Variants in UBAP2 observed in about 807,000 individuals in gnomAD.
The protein encoded by UBAP2 is ubiquitin-associated protein 2.
A neutral mutation model predicts 139.6 loss-of-function variants in UBAP2; 75 were observed. The observed-to-expected ratio is 0.54, with a 90% CI of 0.45 to 0.65. The LOEUF is 0.65. Among genes scored for constraint, UBAP2 ranks in the 30% least tolerant of loss-of-function variants. The pLI is 0.00. For synonymous variants in UBAP2, 526 were observed against 526.2 expected, an observed-to-expected ratio of 1.00 and a Z score of 0.01; for missense variants, 1,368 against 1,369.6, an observed-to-expected ratio of 1.00 and a Z score of 0.02.
At chr9:34,037,130 A>C (rs1259638403) in intron 1 of UBAP2, among the ~76,000 whole-genome samples, 6 of 152,044 alleles carry the variant, frequency 3.9e-5, no homozygotes, top group African/African-American at 1.4e-4. Context: ...CTGAGATTAC[A>C]GAGGCGTGCC....
rs979705183 is a variant in UBAP2 at position 34,044,575 on chromosome 9, AAAG to A, written c.-42+4247_-42+4249del. ...AGACTGTCTCAAGAAAATAAAAATAAAAGAAGAAGCCAGGTGTGGTGGCTCACG... is the reference window on the plus strand; with the variant it reads ...AGACTGTCTCAAGAAAATAAAAATAAAAGAAGCCAGGTGTGGTGGCTCACG... On this transcript the variant is annotated intron_variant, in intron 1 of 28. Coordinates refer to ENST00000379238, the MANE Select transcript of UBAP2 (RefSeq NM_001370062.2). Among the ~76,000 whole-genome samples the A allele has an allele frequency of 1.3e-4, 20 of 151,784 alleles. 1 individual carries two copies. The highest frequency in any genetic ancestry group is 3.4e-4 in the African/African-American group (14 of 41,324).
chr9:33,957,490 A>C lies in UBAP2; in HGVS notation c.799-1344T>G, dbSNP rs138433229. 1.6e-3 allele frequency among the ~76,000 whole-genome samples: 248 copies of C among 152,336 alleles called. 2 individuals carry two copies. The highest frequency in any genetic ancestry group is 3.1e-3 in the Non-Finnish European group (212 of 68,032). On this transcript the variant is annotated intron_variant, in intron 10 of 28. Transcript: ENST00000379238. The stretch of plus-strand genomic sequence containing the variant: ...ATTAGGCTGCATTTTCTAGAATTTT[A>C]AATGAAATCATAAAAGTATCCAAAC...
intron 1 of UBAP2, among the ~76,000 whole-genome samples, chr9:34,028,669 TGCGACCA>T (rs1203355362): frequency 6.6e-6 from 1 of 152,004 alleles, no homozygotes; most frequent in Non-Finnish European, 1.5e-5. Flanking sequence ...CACGAGCCAC[TGCGACCA>T]GCCTTAAACC....
chr9:33,931,861 G>A (rs138148861), intron 19 of UBAP2, among the ~76,000 whole-genome samples: 1 of 152,166 alleles, frequency 6.6e-6, no homozygotes, highest in Non-Finnish European at 1.5e-5. Context: ...AACACCTCCT[G>A]TTGTCCAGGA....
chr9:33,984,124 G>A lies in UBAP2; in HGVS notation c.520+2636C>T, dbSNP rs1341967209. Reference sequence around the variant, plus strand: ...TTACCATGTTGGCCAGGGTGGTCTCGAACTACTAATGTCAAGTGATCTGCC... The same window carrying A: ...TTACCATGTTGGCCAGGGTGGTCTCAAACTACTAATGTCAAGTGATCTGCC... On this transcript the variant is annotated intron_variant, in intron 6 of 28. Coordinates refer to ENST00000379238, the MANE Select transcript of UBAP2 (RefSeq NM_001370062.2). 2.0e-5 allele frequency among the ~76,000 whole-genome samples: 3 copies of A among 151,692 alleles called. No homozygotes were observed. In the East Asian group the frequency reaches 5.8e-4, roughly 29 times the overall value.
intron 1 of UBAP2, among the ~76,000 whole-genome samples, chr9:34,024,958 G>A (rs1758631): frequency 6.0e-5 from 9 of 151,256 alleles, no homozygotes; most frequent in Non-Finnish European, 1.3e-4. Context: ...CACTCCAATC[G>A]GGGCGACAGA....
intron 5 of UBAP2, among the ~76,000 whole-genome samples, chr9:33,988,702 G>A (rs761923471): frequency 2.0e-5 from 3 of 152,206 alleles, no homozygotes; most frequent in East Asian, 1.9e-4. Context: ...ATGCTGATAC[G>A]AAACCACATG....
At chr9:33,991,908 C>A (rs1821743156) in intron 4 of UBAP2, among the ~76,000 whole-genome samples, 1 of 152,142 alleles carries the variant, frequency 6.6e-6, no homozygotes, top group South Asian at 2.1e-4. Context: ...TATAAAGGGG[C>A]CAGCTGTCTT....
chr9:33,958,721 T>C (rs895652122), intron 10 of UBAP2, among the ~76,000 whole-genome samples: 2 of 149,778 alleles, frequency 1.3e-5, no homozygotes, highest in Non-Finnish European at 3.0e-5. Context: ...TTTTTTTTTT[T>C]TTTAAAGGAA....
intron 6 of UBAP2, among the ~76,000 whole-genome samples, chr9:33,977,435 G>A (rs1169916573): frequency 4.6e-5 from 7 of 152,216 alleles, no homozygotes; most frequent in Middle Eastern, 3.4e-3. Flanking sequence ...TGGTAGTAAC[G>A]CTACTAGTAA....
At chr9:33,980,220 C>CTTTTTGTTTTTTTTTTTTTT (rs1820523306) in intron 6 of UBAP2, among the ~76,000 whole-genome samples, 1 of 49,088 alleles carries the variant, frequency 2.0e-5, no homozygotes, top group Non-Finnish European at 3.6e-5. Context: ...AGTGTCATTT[C>CTTTTTGTTTTTTTTTTTTTT]TTTTTTTTTT....
At chr9:34,045,253 G>C (rs949512255) in intron 1 of UBAP2, among the ~76,000 whole-genome samples, 11 of 151,312 alleles carry the variant, frequency 7.3e-5, no homozygotes, top group Non-Finnish European at 1.5e-5. Flanking sequence ...GGCTGAGGCA[G>C]GAAAATGGCA....
At chr9:33,940,286 G>A (rs918253548) in intron 16 of UBAP2, among the ~76,000 whole-genome samples, 4 of 152,086 alleles carry the variant, frequency 2.6e-5, no homozygotes, top group Admixed American at 1.3e-4. Context: ...CTGCAAATGT[G>A]TGTGTGAGGG....
rs71506153 is a variant in UBAP2, at chr9:34,032,916, C to CAA, written c.-41-15729_-41-15728dup. On this transcript the variant is annotated intron_variant, in intron 1 of 28. Coordinates refer to ENST00000379238, the MANE Select transcript of UBAP2 (RefSeq NM_001370062.2). ...GGGCAACAGAGCAAGACCCTGTCTT[C>CAA]AAAAAAAAAAAAAAAAAAATCAACA... Among the ~76,000 whole-genome samples, 975 of 117,992 alleles carry CAA rather than the reference C, an allele frequency of 8.3e-3. 8 individuals carry two copies. The highest frequency in any genetic ancestry group is 0.016 in the South Asian group (53 of 3,414). The allele number at this position is 117,992 out of a possible 152,430, so 77.4% of individuals were successfully genotyped here.
At chr9:34,037,094 T>C (rs1826494448) in intron 1 of UBAP2, among the ~76,000 whole-genome samples, 1 of 150,908 alleles carries the variant, frequency 6.6e-6, no homozygotes. Flanking sequence ...GATCAAGCGA[T>C]TCTCCTGCCT....
chr9:33,924,040 A>T (rs757591427), intron 23 of UBAP2, 40 bp from the exon 24 acceptor site: 18 of 1,609,246 alleles, frequency 1.1e-5, no homozygotes, highest in Non-Finnish European at 1.5e-5. Flanking sequence ...CCCTTCCTCC[A>T]ACCAGAGAAA....
intron 2 of UBAP2, among the ~76,000 whole-genome samples, chr9:34,011,082 G>A (rs574021855): frequency 1.9e-4 from 29 of 152,082 alleles, no homozygotes; most frequent in Non-Finnish European, 3.5e-4. Context: ...AAGAAACACC[G>A]ACCCGATTAA....
At chr9:33,999,907 T>TATG (rs56853849) in intron 2 of UBAP2, among the ~76,000 whole-genome samples, 28,776 of 77,672 alleles carry the variant, frequency 0.37, 3,304 homozygotes, top group Admixed American at 0.44. Context: ...TGTATGTATG[T>TATG]TATTTTGAGA....
chr9:33,979,383 C>A (rs1013673578), intron 6 of UBAP2, among the ~76,000 whole-genome samples: 3 of 152,136 alleles, frequency 2.0e-5, no homozygotes, highest in Non-Finnish European at 4.4e-5. Context: ...ACATTTAAGC[C>A]TGACCTACAT....
Sources: allele counts gnomAD v4.1 joint callset (sites outside exome capture counted in the v4.1 genomes callset), GRCh38; gene constraint gnomAD v4.1.1; transcripts MANE v1.5; gene names NCBI Gene and HGNC (gene_info 2026-07-23, HGNC 2026-07-21).